The following DCUN1D3 variants were observed in gnomAD, a reference collection of about 807,000 sequenced individuals.
DCUN1D3 encodes the protein defective in cullin neddylation 1 domain containing 3.
DCUN1D3 carries 6 observed loss-of-function variants against 24.8 expected under a neutral mutation model. The observed-to-expected ratio is 0.24, with a 90% CI of 0.13 to 0.48. The LOEUF (loss-of-function observed/expected upper bound fraction) is 0.48, where lower values mean the gene tolerates loss of function less well. DCUN1D3 is among the 20% of genes least tolerant of loss of function. The pLI, the probability that DCUN1D3 is intolerant of heterozygous loss-of-function variation, is 0.99. For synonymous variants in DCUN1D3, 120 were observed against 144.9 expected, an observed-to-expected ratio of 0.83 and a Z score of 1.24; for missense variants, 258 against 379.4, an observed-to-expected ratio of 0.68 and a Z score of 2.66.
intron 1 of DCUN1D3, among the ~76,000 whole-genome samples, chr16:20,890,704 TCAA>T (rs905446134): frequency 6.6e-6 from 1 of 152,126 alleles, no homozygotes; most frequent in African/African-American, 2.4e-5. Context: ...TGCTGGACAC[TCAA>T]CTGCTGCCCA....
At position 20,859,988 on chromosome 16, in the gene DCUN1D3, G is replaced by A. The variant is rs1433124912; in HGVS notation, c.813C>T (p.Asp271=). The change falls in exon 3 of 3, where the codon GAC becomes GAT. Residue 271 remains aspartate, a synonymous_variant. Transcript: ENST00000324344. ...GCTCCATTTCCCACTCCACAAAGGTGTCAAAGAGACTTGGCCAGGCCTCAT... is the reference window on the plus strand; with the variant it reads ...GCTCCATTTCCCACTCCACAAAGGTATCAAAGAGACTTGGCCAGGCCTCAT... ...SEDEAWPSLF[D]TFVEWEMERR... 1 of 1,614,238 alleles carries A rather than the reference G, an allele frequency of 6.2e-7. No individual in the cohort carries two copies. Among genetic ancestry groups the A allele is most frequent in the African/African-American group, 1.3e-5 (1 of 75,068 alleles).
rs910068699 is a variant in DCUN1D3 at position 20,900,205 on chromosome 16, G to A, written c.-107C>T. The A allele has an allele frequency of 9.2e-5, 12 of 131,068 alleles. No homozygotes were observed. The highest frequency in any genetic ancestry group is 3.5e-4 in the African/African-American group (12 of 34,302). The allele number at this position is 131,068 out of a possible 1,614,324, so 8.1% of individuals were successfully genotyped here. A position where few individuals can be genotyped will look rare whatever the true frequency, so the allele number is the denominator to read the frequency against. On this transcript the variant is annotated splice_region_variant and 5_prime_UTR_variant, in exon 1 of 3. Transcript: ENST00000324344. ...ACTCCCCCCCTCCCCAAAACTCACAGCTGCTCCAGAGGTTCCTCCAGTCAA... is the reference window on the plus strand; with the variant it reads ...ACTCCCCCCCTCCCCAAAACTCACAACTGCTCCAGAGGTTCCTCCAGTCAA...
At chr16:20,883,273 G>A (rs995547157) in intron 1 of DCUN1D3, among the ~76,000 whole-genome samples, 1 of 152,192 alleles carries the variant, frequency 6.6e-6, no homozygotes, top group African/African-American at 2.4e-5. Context: ...AGCACTTTGG[G>A]AGGCCGAGGC....
At chr16:20,884,431 C>T (rs2081859402) in intron 1 of DCUN1D3, among the ~76,000 whole-genome samples, 1 of 152,134 alleles carries the variant, frequency 6.6e-6, no homozygotes, top group South Asian at 2.1e-4. Context: ...TGTATCCAGA[C>T]TCATCAACCA....
At chr16:20,864,731 G>T (rs1194832015) in intron 1 of DCUN1D3, among the ~76,000 whole-genome samples, 1 of 152,182 alleles carries the variant, frequency 6.6e-6, no homozygotes, top group Admixed American at 6.5e-5. Context: ...CAAAGACATG[G>T]AATCAACCTA....
At chr16:20,868,056 C>T (rs994622622) in intron 1 of DCUN1D3, among the ~76,000 whole-genome samples, 4 of 152,224 alleles carry the variant, frequency 2.6e-5, no homozygotes, top group Admixed American at 2.0e-4. Flanking sequence ...ACTCCTTCCC[C>T]TCTCCACTTA....
intron 1 of DCUN1D3, among the ~76,000 whole-genome samples, chr16:20,871,179 G>A (rs1426716477): frequency 6.6e-6 from 1 of 152,230 alleles, no homozygotes; most frequent in Non-Finnish European, 1.5e-5. Context: ...AGCTACTTGG[G>A]AGGGAAAGTT....
chr16:20,861,977 G>A, intron 2 of DCUN1D3, 131 bp downstream of exon 2: 2 of 942,196 alleles, frequency 2.1e-6, no homozygotes, highest in South Asian at 1.7e-5. Context: ...TAGAGAACCT[G>A]ATCAGAAAAA....
intron 1 of DCUN1D3, among the ~76,000 whole-genome samples, chr16:20,889,911 G>C (rs2081884374): frequency 6.6e-6 from 1 of 152,140 alleles, no homozygotes; most frequent in Non-Finnish European, 1.5e-5. Flanking sequence ...GGGAGGGCTG[G>C]CTAGAGACAG....
chr16:20,876,808 G>A (rs2081818045), intron 1 of DCUN1D3, among the ~76,000 whole-genome samples: 1 of 152,186 alleles, frequency 6.6e-6, no homozygotes, highest in Non-Finnish European at 1.5e-5. Flanking sequence ...CAACACGGTT[G>A]GAACTAGAGG....
At chr16:20,895,960 G>A (rs1032142217) in intron 1 of DCUN1D3, among the ~76,000 whole-genome samples, 2 of 152,206 alleles carry the variant, frequency 1.3e-5, no homozygotes, top group African/African-American at 2.4e-5. Flanking sequence ...CACATAGACA[G>A]TCCCAGACTA....
intron 1 of DCUN1D3, among the ~76,000 whole-genome samples, chr16:20,874,033 G>A (rs1230251872): frequency 6.6e-6 from 1 of 152,194 alleles, no homozygotes; most frequent in African/African-American, 2.4e-5. Flanking sequence ...AACTTCACAG[G>A]TGTGAGCCAA....
At chr16:20,863,128 C>G (rs2081742269) in intron 1 of DCUN1D3, among the ~76,000 whole-genome samples, 1 of 152,136 alleles carries the variant, frequency 6.6e-6, no homozygotes, top group Non-Finnish European at 1.5e-5. Flanking sequence ...TCATAATGCC[C>G]TAATGATGAG....
intron 1 of DCUN1D3, among the ~76,000 whole-genome samples, chr16:20,873,468 A>G (rs1205513309): frequency 6.6e-6 from 1 of 152,184 alleles, no homozygotes; most frequent in Non-Finnish European, 1.5e-5. Flanking sequence ...CAAAAGAGAA[A>G]TGTGGAATGC....
At chr16:20,870,509 T>C (rs1323484885) in intron 1 of DCUN1D3, among the ~76,000 whole-genome samples, 1 of 152,174 alleles carries the variant, frequency 6.6e-6, no homozygotes, top group Non-Finnish European at 1.5e-5. Flanking sequence ...CTCAGAGGAA[T>C]GCATGTTGGC....
At chr16:20,866,168 A>T (rs552292847) in intron 1 of DCUN1D3, among the ~76,000 whole-genome samples, 1 of 152,316 alleles carries the variant, frequency 6.6e-6, no homozygotes, top group Non-Finnish European at 1.5e-5. Context: ...GGTACAAGGG[A>T]AGCAACTGTG....
intron 1 of DCUN1D3, among the ~76,000 whole-genome samples, chr16:20,892,756 G>C (rs1470652169): frequency 6.6e-6 from 1 of 151,878 alleles, no homozygotes; most frequent in Non-Finnish European, 1.5e-5. Context: ...GGGTTGGTTT[G>C]GGGGGGAAAA....
chr16:20,862,530 C>A lies in DCUN1D3; in HGVS notation c.9G>T (p.Gln3His). MG[Q>H]CVTKCKNPSS... ...AGGGATTCTTACACTTGGTGACACA[C>A]TGGCCCATGGTGCTGGTGGCCTGGC... The change falls in exon 2 of 3, where the codon CAG (glutamine) becomes CAT (histidine). Residue 3 changes from glutamine to histidine, a missense_variant. By Grantham distance (24) the Gln-to-His change is conservative. Transcript: ENST00000324344. 6.2e-7 allele frequency: 1 copy of A among 1,602,058 alleles called. No homozygotes were observed. Among genetic ancestry groups the A allele is most frequent in the East Asian group, 2.2e-5 (1 of 44,882 alleles).
rs771335423 is a variant in DCUN1D3, at chr16:20,862,500, C to T, written c.39G>A (p.Ser13=). 6.2e-6 allele frequency: 10 copies of T among 1,608,758 alleles called. No individual in the cohort carries two copies. Among genetic ancestry groups the T allele is most frequent in the Admixed American group, 1.7e-5 (1 of 59,992 alleles). Residue 13 remains serine, a synonymous_variant, in exon 2 of 3, where the codon TCG becomes TCA. Transcript: ENST00000324344. ...QCVTKCKNPS[S]TLGSKNGDRE... ...GGTCTCCATTTTTGCTGCCCAGGGT[C>T]GATGAGGGATTCTTACACTTGGTGA...
Sources: gnomAD v4.1 joint callset for allele counts (sites outside exome capture counted in the v4.1 genomes callset) on GRCh38, gnomAD v4.1.1 for gene constraint, MANE v1.5 for transcripts, NCBI Gene and HGNC (gene_info 2026-07-23, HGNC 2026-07-21) for gene names.